LRPPRC: variants seen among roughly 807,000 people sequenced by gnomAD.
LRPPRC encodes leucine rich pentatricopeptide repeat containing, also known as leucine-rich PPR motif-containing protein, mitochondrial.
LRPPRC carries 120 observed loss-of-function variants against 180.3 expected under a neutral mutation model. That is an observed-to-expected ratio of 0.67 (90% CI 0.57 to 0.77). The LOEUF (loss-of-function observed/expected upper bound fraction) is 0.77. LRPPRC is among the 30% of genes least tolerant of loss of function. LRPPRC has a pLI of 0.00. For missense variants in LRPPRC, 2,012 were observed against 1,657.2 expected (o/e 1.21, Z -3.72); for synonymous variants, 723 against 600.0 (o/e 1.21, Z -3.00).
At chr2:43,929,397 ATG>A (rs1390306443) in intron 25 of LRPPRC, among the ~76,000 whole-genome samples, 2 of 152,160 alleles carry the variant, frequency 1.3e-5, no homozygotes, top group African/African-American at 2.4e-5. Flanking sequence ...TGTATAGTCT[ATG>A]TGTGTGTAAG....
rs146479300 is a variant in LRPPRC at position 43,934,837 on chromosome 2, T to C, written c.2546A>G (p.Tyr849Cys). ...CCTTGGTAATACTTTATACTTTTCATAGCAGTCAATGGCGACCTCAAGAGC... is the reference window on the plus strand; with the variant it reads ...CCTTGGTAATACTTTATACTTTTCACAGCAGTCAATGGCGACCTCAAGAGC... ...STALEVAIDC[Y>C]EKYKVLPRIH... The change falls in exon 24 of 38, where the codon TAT becomes TGT. Residue 849 changes from tyrosine (Y) to cysteine (C), a missense_variant. Physicochemically the swap from Tyr to Cys is radical, Grantham distance 194. Coordinates refer to ENST00000260665, the MANE Select transcript of LRPPRC (RefSeq NM_133259.4). 74 of 1,612,734 alleles carry C rather than the reference T, an allele frequency of 4.6e-5. No individual in the cohort carries two copies. Among genetic ancestry groups the C allele is most frequent in the Non-Finnish European group, 6.2e-5 (73 of 1,178,828 alleles).
chr2:43,942,630 A>G (rs1319502269), intron 23 of LRPPRC, among the ~76,000 whole-genome samples: 1 of 152,128 alleles, frequency 6.6e-6, no homozygotes, highest in African/African-American at 2.4e-5. Flanking sequence ...TAAATCATTT[A>G]TTATATTCAA....
intron 1 of LRPPRC, among the ~76,000 whole-genome samples, chr2:43,989,385 C>G (rs1191829241): frequency 6.6e-6 from 1 of 152,212 alleles, no homozygotes; most frequent in Non-Finnish European, 1.5e-5. Context: ...CCTTCCATCT[C>G]CCAGGATCCT....
intron 37 of LRPPRC, among the ~76,000 whole-genome samples, chr2:43,889,218 G>C (rs1028208207): frequency 6.7e-6 from 1 of 148,704 alleles, no homozygotes; most frequent in African/African-American, 2.5e-5. Flanking sequence ...GGGAGGCTGA[G>C]GCAGGAGAAT....
intron 1 of LRPPRC, among the ~76,000 whole-genome samples, chr2:43,994,488 C>G (rs1441619295): frequency 6.6e-6 from 1 of 152,186 alleles, no homozygotes; most frequent in African/African-American, 2.4e-5. Flanking sequence ...AACACTACTA[C>G]TACTCCCACC....
chr2:43,922,472 TAAGA>T (rs1671731268), intron 27 of LRPPRC, among the ~76,000 whole-genome samples: 1 of 152,150 alleles, frequency 6.6e-6, no homozygotes, highest in South Asian at 2.1e-4. Flanking sequence ...AATCACATCC[TAAGA>T]AAGAAATCCA....
intron 13 of LRPPRC, 47 bp from the exon 14 acceptor site, chr2:43,957,498 A>T: frequency 7.4e-7 from 1 of 1,351,998 alleles, no homozygotes; most frequent in Admixed American, 1.7e-5. Flanking sequence ...AAACAAATTT[A>T]AAAACCCTGT....
chr2:43,918,055 A>C lies in LRPPRC; in HGVS notation c.3118T>G (p.Leu1040Val). The C allele has an allele frequency of 6.2e-7, 1 of 1,612,686 alleles. No individual in the cohort carries two copies. Among genetic ancestry groups the C allele is most frequent in the Non-Finnish European group, 8.5e-7 (1 of 1,179,550 alleles). Residue 1040 changes from leucine (L) to valine (V), a missense_variant, in exon 29 of 38, where the codon TTG becomes GTG. Transcript: ENST00000260665. ...TTEPDFQKDILIACRLNQKKG... is the reference protein window; with the variant it reads ...TTEPDFQKDIVIACRLNQKKG... Reference sequence around the variant, plus strand: ...TTTTGGTTCAATCGGCAGGCAATCAATATATCTTTCTGGAAATCAGGTTCT... The same window carrying C: ...TTTTGGTTCAATCGGCAGGCAATCACTATATCTTTCTGGAAATCAGGTTCT...
Position 43,932,123 on chromosome 2 carries a change from CAAAAAAAAAAAAAA to C in LRPPRC, c.2736+2053_2736+2066del, listed in dbSNP as rs746600862. ...TGGCTAACAAAGCAAGACCCTGTCT[CAAAAAAAAAAAAAA>C]AAAAAAAAAAAAAAAAGACTGGAGA... On this transcript the variant is annotated intron_variant, in intron 25 of 37. Coordinates refer to ENST00000260665, the MANE Select transcript of LRPPRC (RefSeq NM_133259.4). 1.3e-3 allele frequency among the ~76,000 whole-genome samples: 28 copies of C among 20,860 alleles called. 2 individuals carry two copies. Among genetic ancestry groups the C allele is most frequent in the Admixed American group, 0.012 (13 of 1,060 alleles). 13.7% of individuals were successfully genotyped at this position (20,860 alleles called of 152,430 possible). A position where few individuals can be genotyped will look rare whatever the true frequency, so the allele number is the denominator to read the frequency against.
At chr2:43,920,197 C>T (rs1671649516) in intron 27 of LRPPRC, among the ~76,000 whole-genome samples, 1 of 151,692 alleles carries the variant, frequency 6.6e-6, no homozygotes. Context: ...GTGCAGTGGC[C>T]CGATCTCAGT....
intron 16 of LRPPRC, among the ~76,000 whole-genome samples, chr2:43,949,238 G>A (rs983486487): frequency 2.0e-5 from 3 of 152,026 alleles, no homozygotes; most frequent in Non-Finnish European, 2.9e-5. Flanking sequence ...ACATTTAAGC[G>A]GAAATCCACA....
At chr2:43,971,920 A>G (rs1418563723) in intron 11 of LRPPRC, among the ~76,000 whole-genome samples, 1 of 152,232 alleles carries the variant, frequency 6.6e-6, no homozygotes, top group African/African-American at 2.4e-5. Context: ...CACTCTCAGA[A>G]CACACAATAT....
chr2:43,922,395 C>T (rs189679677), intron 27 of LRPPRC, among the ~76,000 whole-genome samples: 2 of 152,214 alleles, frequency 1.3e-5, no homozygotes, highest in East Asian at 1.9e-4. Context: ...TTAAAATAAA[C>T]GAAGGAAAGT....
intron 11 of LRPPRC, among the ~76,000 whole-genome samples, chr2:43,964,804 C>A (rs920001379): frequency 1.3e-5 from 2 of 152,022 alleles, no homozygotes; most frequent in African/African-American, 2.4e-5. Flanking sequence ...TAAAAACAGA[C>A]AAATAGACCA....
At chr2:43,994,609 G>A (rs919921959) in intron 1 of LRPPRC, among the ~76,000 whole-genome samples, 6 of 152,154 alleles carry the variant, frequency 3.9e-5, no homozygotes, top group Non-Finnish European at 7.4e-5. Context: ...TGCAGTCTGG[G>A]CCCAGCCTAC....
intron 25 of LRPPRC, among the ~76,000 whole-genome samples, chr2:43,931,150 C>G (rs953169013): frequency 3.3e-5 from 5 of 152,160 alleles, no homozygotes; most frequent in Non-Finnish European, 7.3e-5. Context: ...TTGAGTAGTT[C>G]TGCAATCACT....
intron 32 of LRPPRC, 79 bp downstream of exon 32, chr2:43,901,241 A>G (rs1420332788): frequency 1.9e-6 from 2 of 1,065,162 alleles, no homozygotes; most frequent in East Asian, 2.4e-5. Context: ...CATGTCTAAA[A>G]AAGTTTTTAA....
intron 33 of LRPPRC, 50 bp from the exon 34 acceptor site, chr2:43,899,384 C>G (rs768354270): frequency 1.9e-6 from 3 of 1,602,626 alleles, no homozygotes; most frequent in South Asian, 1.1e-5. Flanking sequence ...AGTGGTATAA[C>G]TCACCTACCA....
At chr2:43,921,086 G>C (rs1671683005) in intron 27 of LRPPRC, among the ~76,000 whole-genome samples, 1 of 152,140 alleles carries the variant, frequency 6.6e-6, no homozygotes, top group African/African-American at 2.4e-5. Flanking sequence ...GAGGCCAGGA[G>C]TTCGAGACCA....
Sources: gnomAD v4.1 joint callset for allele counts (sites outside exome capture counted in the v4.1 genomes callset) on GRCh38, gnomAD v4.1.1 for gene constraint, MANE v1.5 for transcripts, NCBI Gene and HGNC (gene_info 2026-07-23, HGNC 2026-07-21) for gene names.